TMTC1: variants seen among roughly 807,000 people sequenced by gnomAD.
TMTC1 encodes the protein protein O-mannosyl-transferase TMTC1.
Under a neutral mutation model 104.8 loss-of-function variants are expected in TMTC1, and 73 were observed. The ratio of observed to expected loss-of-function variants is 0.70; its 90% CI spans 0.58 to 0.85. The LOEUF is 0.85. TMTC1 is among the 40% of genes least tolerant of loss of function. The probability of loss-of-function intolerance (pLI) is 0.00; values close to 1 mark genes in which losing one functional copy is unlikely to be tolerated. For missense variants in TMTC1, 1,035 were observed against 1,096.1 expected (o/e 0.94, Z 0.79); for synonymous variants, 434 against 428.7 (o/e 1.01, Z -0.15).
chr12:29,689,827 T>C (rs1941211090), intron 5 of TMTC1, among the ~76,000 whole-genome samples: 1 of 152,218 alleles, frequency 6.6e-6, no homozygotes, highest in Non-Finnish European at 1.5e-5. Context: ...ATTCCACTCT[T>C]CTAGAAGCCA....
At chr12:29,719,676 T>C (rs1942180883) in intron 5 of TMTC1, among the ~76,000 whole-genome samples, 2 of 152,228 alleles carry the variant, frequency 1.3e-5, no homozygotes, top group African/African-American at 4.8e-5. Flanking sequence ...TATTCTGCAA[T>C]GCCTGCAAGG....
At chr12:29,611,164 T>C (rs1463097355) in intron 6 of TMTC1, among the ~76,000 whole-genome samples, 1 of 148,794 alleles carries the variant, frequency 6.7e-6, no homozygotes, top group Non-Finnish European at 1.5e-5. Flanking sequence ...TTCTGGTCTT[T>C]GGTTCTGAAC....
intron 5 of TMTC1, among the ~76,000 whole-genome samples, chr12:29,663,403 C>G (rs1955579839): frequency 6.6e-6 from 1 of 152,162 alleles, no homozygotes; most frequent in Non-Finnish European, 1.5e-5. Flanking sequence ...TGGAAACGTC[C>G]TTCCTCAAGT....
Position 29,543,632 on chromosome 12 carries a change from A to G in TMTC1, c.1677-7315T>C, listed in dbSNP as rs1162922039. 5.9e-5 allele frequency among the ~76,000 whole-genome samples: 9 copies of G among 152,290 alleles called. 1 individual carries two copies. In the South Asian group the frequency reaches 1.0e-3, roughly 18 times the overall value. Reference sequence around the variant, plus strand: ...GAAAAAGATCATGGTTTTTTTTGGCATACTGACTTTACCAGCTCTTCTAAA... The same window carrying G: ...GAAAAAGATCATGGTTTTTTTTGGCGTACTGACTTTACCAGCTCTTCTAAA... On this transcript the variant is annotated intron_variant, in intron 10 of 17. Transcript: ENST00000539277.
chr12:29,631,150 A>T (rs1938276602), intron 6 of TMTC1, among the ~76,000 whole-genome samples: 1 of 152,234 alleles, frequency 6.6e-6, no homozygotes, highest in African/African-American at 2.4e-5. Flanking sequence ...ATATTCAGAT[A>T]CAAGGCCTTT....
chr12:29,718,210 G>A (rs996039567), intron 5 of TMTC1, among the ~76,000 whole-genome samples: 2 of 152,166 alleles, frequency 1.3e-5, no homozygotes, highest in Admixed American at 1.3e-4. Flanking sequence ...GAAACCAGAA[G>A]GGAACCAATA....
chr12:29,723,692 A>C lies in TMTC1; in HGVS notation c.938+27974T>G, dbSNP rs562485247. Among the ~76,000 whole-genome samples, 4 of 152,282 alleles carry C rather than the reference A, an allele frequency of 2.6e-5. No homozygotes were observed. In the East Asian group the frequency reaches 7.7e-4, roughly 29 times the overall value. ...GAGCCACTACAAGCCAGGGAAACAA[A>C]GCAAGACCCTGTCTCTACTGTCTGT... is the stretch of plus-strand genomic sequence containing the variant. On this transcript the variant is annotated intron_variant, in intron 5 of 17. Coordinates refer to ENST00000539277, the MANE Select transcript of TMTC1 (RefSeq NM_001193451.2).
At chr12:29,716,013 AT>A (rs1414515404) in intron 5 of TMTC1, among the ~76,000 whole-genome samples, 1 of 145,728 alleles carries the variant, frequency 6.9e-6, no homozygotes, top group Non-Finnish European at 1.5e-5. Context: ...TATTATTATT[AT>A]TATTATTATT....
intron 5 of TMTC1, among the ~76,000 whole-genome samples, chr12:29,701,177 A>T (rs1020615440): frequency 6.6e-6 from 1 of 152,134 alleles, no homozygotes; most frequent in Non-Finnish European, 1.5e-5. Flanking sequence ...GTACAAGTAA[A>T]TTCAGAAGAT....
intron 6 of TMTC1, among the ~76,000 whole-genome samples, chr12:29,617,536 CAGAGAGAGAGAG>C (rs145115277): frequency 7.4e-6 from 1 of 134,942 alleles, no homozygotes; most frequent in Non-Finnish European, 1.5e-5. Context: ...AAACAGACAA[CAGAGAGAGAGAG>C]AGAGAGAGAG....
intron 5 of TMTC1, among the ~76,000 whole-genome samples, chr12:29,727,216 T>C (rs1942417160): frequency 1.3e-5 from 2 of 152,172 alleles, no homozygotes; most frequent in Admixed American, 1.3e-4. Context: ...GGCTCAGTAT[T>C]GTGGTCCCAG....
chr12:29,722,920 CAA>C (rs60730102), intron 5 of TMTC1, among the ~76,000 whole-genome samples: 15 of 104,466 alleles, frequency 1.4e-4, no homozygotes, highest in Non-Finnish European at 1.5e-4. Flanking sequence ...GACTCTGTCT[CAA>C]AAAAAAAAAA....
At chr12:29,581,233 T>C (rs1945971264) in intron 8 of TMTC1, among the ~76,000 whole-genome samples, 1 of 152,310 alleles carries the variant, frequency 6.6e-6, no homozygotes, top group East Asian at 1.9e-4. Context: ...GAACATTACT[T>C]AGCACAAATG....
intron 9 of TMTC1, among the ~76,000 whole-genome samples, chr12:29,571,811 C>A (rs185434737): frequency 9.2e-5 from 14 of 152,230 alleles, no homozygotes; most frequent in African/African-American, 3.4e-4. Context: ...TTTTGACAAC[C>A]AACTCTTGTT....
chr12:29,740,512 T>C (rs189420073), intron 5 of TMTC1, among the ~76,000 whole-genome samples: 44 of 152,348 alleles, frequency 2.9e-4, no homozygotes, highest in Admixed American at 7.8e-4. Flanking sequence ...GGACTCCAAC[T>C]GGCACTCCTT....
At chr12:29,702,952 C>A (rs879931386) in intron 5 of TMTC1, among the ~76,000 whole-genome samples, 1 of 151,906 alleles carries the variant, frequency 6.6e-6, no homozygotes, top group Non-Finnish European at 1.5e-5. Flanking sequence ...CAAGACCAGA[C>A]CGGGCAACAT....
chr12:29,754,177 T>TA (rs56884730), intron 4 of TMTC1, among the ~76,000 whole-genome samples: 15 of 140,656 alleles, frequency 1.1e-4, no homozygotes, highest in South Asian at 6.9e-4. Flanking sequence ...AAAGTTTCTT[T>TA]AAAAAAAAAA....
intron 4 of TMTC1, among the ~76,000 whole-genome samples, chr12:29,754,417 A>G (rs1943166882): frequency 6.6e-6 from 1 of 152,316 alleles, no homozygotes; most frequent in East Asian, 1.9e-4. Flanking sequence ...GACAACATTA[A>G]AATAGCTCTG....
In TMTC1 at chr12:29,768,094, A is replaced by C. The variant is rs1337158133; in HGVS notation, c.303-19T>G. The C allele has an allele frequency of 1.9e-6, 3 of 1,542,040 alleles. No individual in the cohort carries two copies. In the Admixed American group the frequency reaches 6.4e-5, roughly 33 times the overall value. ...GTTTAGCCTGTAAAACAAAAGAAAA[A>C]AGAAAAAAACTGCATTAGCTACAAA... On this transcript the variant is annotated intron_variant, in intron 1 of 17. Transcript: ENST00000539277.
Sources: allele counts gnomAD v4.1 joint callset (sites outside exome capture counted in the v4.1 genomes callset), GRCh38; gene constraint gnomAD v4.1.1; transcripts MANE v1.5; gene names NCBI Gene and HGNC (gene_info 2026-07-23, HGNC 2026-07-21).